GLIPR1: variants seen among roughly 807,000 people sequenced by gnomAD.
The protein encoded by GLIPR1 is glioma pathogenesis-related protein 1.
Under a neutral mutation model 30.3 loss-of-function variants are expected in GLIPR1, and 38 were observed. The observed-to-expected ratio is 1.26, with a 90% CI of 0.97 to 1.65. The LOEUF (loss-of-function observed/expected upper bound fraction) is 1.65, where lower values mean the gene tolerates loss of function less well. GLIPR1 is among the 40% of genes most tolerant of loss of function. The pLI, the probability that GLIPR1 is intolerant of heterozygous loss-of-function variation, is 0.00. For synonymous variants in GLIPR1, 122 were observed against 110.6 expected (o/e 1.10, Z -0.65); for missense variants, 285 against 326.5 (o/e 0.87, Z 0.98).
chr12:75,496,933 A>C (rs1302480695), intron 4 of GLIPR1: 1 of 152,200 alleles, frequency 6.6e-6, no homozygotes, highest in Non-Finnish European at 1.5e-5. Context: ...TATTTCACTT[A>C]TATCACTCTT....
chr12:75,497,209 C>CTTAA (rs2046356863), intron 4 of GLIPR1: 1 of 152,088 alleles, frequency 6.6e-6, no homozygotes, highest in Admixed American at 6.6e-5. Flanking sequence ...AAATGTTTCC[C>CTTAA]TTTAAAAATC....
At chr12:75,496,007 T>G (rs1393683024) in intron 4 of GLIPR1, 1 of 129,196 alleles carries the variant, frequency 7.7e-6, no homozygotes, top group Non-Finnish European at 1.7e-5. Flanking sequence ...GTTTTTTTTT[T>G]TGTTTTTTTT....
chr12:75,499,824 CT>C lies in GLIPR1; in HGVS notation c.*851del. On this transcript the variant is annotated 3_prime_UTR_variant, in exon 6 of 6. Coordinates refer to ENST00000266659, the MANE Select transcript of GLIPR1 (RefSeq NM_006851.3). ...TTTGGGTATGTTACTTTTTTTTCTT[CT>C]TTTTCTTTTCATCTGCCTCCATCTT... 6.3e-7 allele frequency: 1 copy of C among 1,586,392 alleles called. No homozygotes were observed.
chr12:75,486,937 A>T (rs1303669506), intron 2 of GLIPR1, among the ~76,000 whole-genome samples: 1 of 152,178 alleles, frequency 6.6e-6, no homozygotes, highest in Non-Finnish European at 1.5e-5. Context: ...ACATCTAAAA[A>T]TCATAAATGT....
intron 2 of GLIPR1, chr12:75,487,851 G>T (rs756974006): frequency 2.2e-6 from 1 of 454,592 alleles, no homozygotes; most frequent in South Asian, 1.6e-5. Context: ...AGAAAGAAAA[G>T]AAATAAAAGA....
At chr12:75,490,784 T>C (rs1488850816) in intron 3 of GLIPR1, 2 of 251,366 alleles carry the variant, frequency 8.0e-6, no homozygotes, top group African/African-American at 4.5e-5. Flanking sequence ...ACGCACATAT[T>C]TTTAAGAGTG....
At position 75,499,674 on chromosome 12, in the gene GLIPR1, T is replaced by TCTTCTATGAACAACCAC. The variant is rs2046377065; in HGVS notation, c.*698_*714dup. On this transcript the variant is annotated 3_prime_UTR_variant, in exon 6 of 6. Transcript: ENST00000266659. ...TAATAATATAATTTATAAAGAACAC[T>TCTTCTATGAACAACCAC]CTTCTATGAACAACCACCACCACCA... 1 of 486,760 alleles carries TCTTCTATGAACAACCAC rather than the reference T, an allele frequency of 2.1e-6. No homozygotes were observed. The highest frequency in any genetic ancestry group is 2.1e-5 in the African/African-American group (1 of 48,720). The allele number at this position is 486,760 out of a possible 1,614,324, so 30.2% of individuals were successfully genotyped here. A position where few individuals can be genotyped will look rare whatever the true frequency, so the allele number is the denominator to read the frequency against.
chr12:75,495,613 C>G lies in GLIPR1; in HGVS notation c.570C>G (p.Ala190=). The part of the protein sequence containing the change: ...NYPTWPYKRG[A]TCSACPNNDK... ...CAACTTGGCCATATAAGAGAGGAGC[C>G]ACCTGCAGTGCCTGCCCCAATAATG... The change falls in exon 4 of 6, where the codon GCC becomes GCG. Residue 190 remains alanine (A), a synonymous_variant. Coordinates refer to ENST00000266659, the MANE Select transcript of GLIPR1 (RefSeq NM_006851.3). The G allele has an allele frequency of 1.9e-6, 3 of 1,611,386 alleles. No homozygotes were observed. Among genetic ancestry groups the G allele is most frequent in the Non-Finnish European group, 2.5e-6 (3 of 1,177,650 alleles).
rs1254268075 is a variant in GLIPR1 at position 75,498,877 on chromosome 12, A to G, written c.700A>G (p.Thr234Ala). The G allele has an allele frequency of 6.2e-7, 1 of 1,610,598 alleles. No individual in the cohort carries two copies. The highest frequency in any genetic ancestry group is 1.1e-5 in the South Asian group (1 of 90,954). ...GWPIYPRNRY[T>A]SLFLIVNSVI... ...GCCCATATATCCACGTAACAGATAC[A>G]CTTCTCTCTTTCTCATTGTTAATTC... The change falls in exon 6 of 6, where the codon ACT (threonine) becomes GCT (alanine). Residue 234 changes from threonine to alanine, a missense_variant. Physicochemically the swap from Thr to Ala is moderately conservative, Grantham distance 58 (BLOSUM62 0). Coordinates refer to ENST00000266659, the MANE Select transcript of GLIPR1 (RefSeq NM_006851.3).
At chr12:75,482,226 A>C in intron 2 of GLIPR1, 147 bp downstream of exon 2, 1 of 729,128 alleles carries the variant, frequency 1.4e-6, no homozygotes, top group South Asian at 1.9e-5. Context: ...AACAGAAAAT[A>C]ATGCTTGAAA....
chr12:75,489,082 C>T (rs1163325138), intron 2 of GLIPR1, among the ~76,000 whole-genome samples: 1 of 152,158 alleles, frequency 6.6e-6, no homozygotes, highest in East Asian at 1.9e-4. Flanking sequence ...CTTCTTTAGG[C>T]TTTTGTGACA....
intron 1 of GLIPR1, 63 bp from the exon 2 acceptor site, chr12:75,481,771 C>T: frequency 6.7e-7 from 1 of 1,486,618 alleles, no homozygotes; most frequent in South Asian, 1.2e-5. Context: ...TTCAAATTCC[C>T]ACTGTACTCA....
chr12:75,501,821 A>G lies in GLIPR1; in HGVS notation c.*2843A>G, dbSNP rs943059815. The G allele has an allele frequency of 1.9e-6, 3 of 1,592,216 alleles. No homozygotes were observed. Among genetic ancestry groups the G allele is most frequent in the African/African-American group, 2.7e-5 (2 of 73,996 alleles). ...GATGGCTTCTGCTTGTTTAGCCTAC[A>G]TTAATAAATAAAAAATATATCAGTT... On this transcript the variant is annotated 3_prime_UTR_variant, in exon 6 of 6. Transcript: ENST00000266659.
At position 75,499,002 on chromosome 12, in the gene GLIPR1, CA is replaced by C. The variant is rs749541829; in HGVS notation, c.*29del. 1.3e-6 allele frequency: 2 copies of C among 1,502,010 alleles called. No homozygotes were observed. The highest frequency in any genetic ancestry group is 1.8e-6 in the Non-Finnish European group (2 of 1,124,010). The allele number at this position is 1,502,010 out of a possible 1,614,324, so 93.0% of individuals were successfully genotyped here. A position where few individuals can be genotyped will look rare whatever the true frequency, so the allele number is the denominator to read the frequency against. On this transcript the variant is annotated 3_prime_UTR_variant, in exon 6 of 6. Coordinates refer to ENST00000266659, the MANE Select transcript of GLIPR1 (RefSeq NM_006851.3). The stretch of plus-strand genomic sequence containing the variant: ...AATACAATTCAGGAAAGAAAAAACC[CA>C]AAAACCAACCTCATTCACATATGGC...
chr12:75,488,071 C>T (rs2046301837), intron 2 of GLIPR1, among the ~76,000 whole-genome samples: 1 of 152,162 alleles, frequency 6.6e-6, no homozygotes, highest in Admixed American at 6.5e-5. Context: ...TCATCGCCAT[C>T]TTGGTTTTGG....
intron 3 of GLIPR1, chr12:75,492,075 T>C (rs1420145193): frequency 1.4e-5 from 2 of 145,876 alleles, no homozygotes; most frequent in East Asian, 4.0e-4. Flanking sequence ...CAGTTAGTGG[T>C]AACTTTTCAT....
At chr12:75,489,907 C>G (rs1008374094) in intron 2 of GLIPR1, 5 of 154,230 alleles carry the variant, frequency 3.2e-5, no homozygotes, top group African/African-American at 1.2e-4. Flanking sequence ...CAACTCTCTC[C>G]AACTCATCAG....
At chr12:75,496,367 A>AT (rs1321774540) in intron 4 of GLIPR1, 2 of 152,082 alleles carry the variant, frequency 1.3e-5, no homozygotes, top group African/African-American at 4.8e-5. Context: ...AAAAATGAAA[A>AT]TAAAATAAAG....
intron 4 of GLIPR1, 30 bp from the exon 5 acceptor site, chr12:75,498,662 ATT>A (rs569157020): frequency 1.9e-6 from 3 of 1,585,592 alleles, no homozygotes; most frequent in Non-Finnish European, 2.6e-6. Flanking sequence ...TACCCTTTTA[ATT>A]TTTTTTCTTT....
Sources: gnomAD v4.1 joint callset for allele counts (sites outside exome capture counted in the v4.1 genomes callset) on GRCh38, gnomAD v4.1.1 for gene constraint, MANE v1.5 for transcripts, NCBI Gene and HGNC (gene_info 2026-07-23, HGNC 2026-07-21) for gene names.